Variants in ABCC4 observed in about 807,000 individuals in gnomAD.
ABCC4 encodes the protein ATP-binding cassette sub-family C member 4.
ABCC4 carries 102 observed loss-of-function variants against 168.5 expected under a neutral mutation model. The observed-to-expected ratio is 0.61, with a 90% CI of 0.52 to 0.71. The LOEUF is 0.71. Among genes scored for constraint, ABCC4 ranks in the 30% least tolerant of loss-of-function variants. ABCC4 has a pLI of 0.00. For synonymous variants in ABCC4, 617 were observed against 590.7 expected (o/e 1.04, Z -0.65); for missense variants, 1,402 against 1,605.8 (o/e 0.87, Z 2.17).
In ABCC4 at chr13:95,245,162, A is replaced by G. The variant is rs139671664; in HGVS notation, c.306+1813T>C. 1.8e-3 allele frequency among the ~76,000 whole-genome samples: 280 copies of G among 152,322 alleles called. 1 individual carries two copies. The highest frequency in any genetic ancestry group is 0.017 in the Middle Eastern group (5 of 294). On this transcript the variant is annotated intron_variant, in intron 3 of 30. Coordinates refer to ENST00000645237, the MANE Select transcript of ABCC4 (RefSeq NM_005845.5). ...CCCCACCCCAAGTGGCTGGCAGCCC[A>G]TGACAGCATGGACAGCCCTGAGCAT...
chr13:95,196,687 A>G (rs1253595458), intron 8 of ABCC4, among the ~76,000 whole-genome samples: 7 of 68,926 alleles, frequency 1.0e-4, no homozygotes, highest in African/African-American at 2.4e-4. Context: ...GAAGGAAGGA[A>G]GGAAGGAAGG....
chr13:95,179,489 A>C (rs2037819611), intron 11 of ABCC4, among the ~76,000 whole-genome samples: 1 of 152,248 alleles, frequency 6.6e-6, no homozygotes, highest in Admixed American at 6.5e-5. Context: ...ATATTTAAAA[A>C]TTATTTAAGA....
chr13:95,216,028 T>C (rs2039100604), intron 4 of ABCC4, among the ~76,000 whole-genome samples: 1 of 152,228 alleles, frequency 6.6e-6, no homozygotes, highest in Non-Finnish European at 1.5e-5. Flanking sequence ...CCAAGTCATA[T>C]TCATTTATGT....
chr13:95,274,827 A>G (rs1289469457), intron 1 of ABCC4, among the ~76,000 whole-genome samples: 3 of 152,212 alleles, frequency 2.0e-5, no homozygotes, highest in Non-Finnish European at 4.4e-5. Context: ...CTGTAATCCC[A>G]GCACTTTGGG....
chr13:95,027,891 C>T (rs1303082348), intron 30 of ABCC4, among the ~76,000 whole-genome samples: 2 of 152,154 alleles, frequency 1.3e-5, no homozygotes, highest in Middle Eastern at 3.4e-3. Flanking sequence ...AAAACAAAGG[C>T]TAAGATTAAA....
At chr13:95,223,776 A>G (rs1428172900) in intron 4 of ABCC4, among the ~76,000 whole-genome samples, 1 of 152,214 alleles carries the variant, frequency 6.6e-6, no homozygotes, top group Non-Finnish European at 1.5e-5. Flanking sequence ...TGTTGGGATT[A>G]CATGCCACCG....
At chr13:95,204,383 C>T (rs968097467) in intron 8 of ABCC4, among the ~76,000 whole-genome samples, 1 of 152,174 alleles carries the variant, frequency 6.6e-6, no homozygotes, top group Non-Finnish European at 1.5e-5. Context: ...GAACTGTAAT[C>T]GCCATAATCC....
At chr13:95,072,259 G>C (rs2033754826) in intron 24 of ABCC4, among the ~76,000 whole-genome samples, 1 of 152,194 alleles carries the variant, frequency 6.6e-6, no homozygotes, top group South Asian at 2.1e-4. Flanking sequence ...TCAGGTGTTT[G>C]ACACCAGCCT....
chr13:95,253,419 A>G (rs2040316588), intron 1 of ABCC4, among the ~76,000 whole-genome samples: 1 of 151,948 alleles, frequency 6.6e-6, no homozygotes, highest in Admixed American at 6.6e-5. Context: ...AGGCACCTAG[A>G]TTTGTCACAT....
chr13:95,279,688 G>A (rs527793119), intron 1 of ABCC4, among the ~76,000 whole-genome samples: 1 of 152,302 alleles, frequency 6.6e-6, no homozygotes, highest in African/African-American at 2.4e-5. Context: ...AGTCCTCACA[G>A]TGCTTTTTGT....
intron 19 of ABCC4, among the ~76,000 whole-genome samples, chr13:95,122,585 C>T (rs2035609421): frequency 1.3e-5 from 2 of 152,186 alleles, no homozygotes; most frequent in South Asian, 4.1e-4. Flanking sequence ...CTAACCTCCC[C>T]TCCATTCCTC....
chr13:95,180,205 G>A (rs574692530), intron 11 of ABCC4, among the ~76,000 whole-genome samples: 2 of 152,226 alleles, frequency 1.3e-5, no homozygotes, highest in East Asian at 3.9e-4. Context: ...ATTATTTCAC[G>A]TTATCTCTTT....
At chr13:95,188,587 C>G (rs756813902) in intron 9 of ABCC4, 45 bp from the exon 10 acceptor site, 1 of 1,472,024 alleles carries the variant, frequency 6.8e-7, no homozygotes, top group South Asian at 1.2e-5. Flanking sequence ...AATAAAGTCA[C>G]ACAAATCACT....
At chr13:95,183,638 C>A (rs535406233) in intron 11 of ABCC4, among the ~76,000 whole-genome samples, 2 of 152,178 alleles carry the variant, frequency 1.3e-5, no homozygotes, top group African/African-American at 2.4e-5. Flanking sequence ...GCTGGTCGTG[C>A]GCAGTGGCTC....
intron 29 of ABCC4, among the ~76,000 whole-genome samples, chr13:95,037,704 C>T (rs2032181458): frequency 6.6e-6 from 1 of 152,112 alleles, no homozygotes; most frequent in African/African-American, 2.4e-5. Flanking sequence ...TTCTAAGACA[C>T]CTTTTCATTT....
intron 4 of ABCC4, among the ~76,000 whole-genome samples, chr13:95,211,128 T>C (rs1486799894): frequency 6.6e-6 from 1 of 152,178 alleles, no homozygotes; most frequent in South Asian, 2.1e-4. Flanking sequence ...AGGAACAAAA[T>C]GAGAGGACGT....
chr13:95,036,874 A>T (rs1292715893), intron 29 of ABCC4, among the ~76,000 whole-genome samples: 2 of 152,108 alleles, frequency 1.3e-5, no homozygotes, highest in Non-Finnish European at 2.9e-5. Flanking sequence ...ACTTGAGGCC[A>T]GGAGTTTGAA....
At chr13:95,221,065 T>C (rs1213737466) in intron 4 of ABCC4, among the ~76,000 whole-genome samples, 2 of 152,172 alleles carry the variant, frequency 1.3e-5, no homozygotes, top group Non-Finnish European at 1.5e-5. Flanking sequence ...CCTGAGGACA[T>C]GATGCGAAGT....
chr13:95,151,566 GAGA>G (rs1255313717), intron 19 of ABCC4, among the ~76,000 whole-genome samples: 8 of 145,758 alleles, frequency 5.5e-5, no homozygotes, highest in South Asian at 2.2e-4. Flanking sequence ...GGAGGAGAAG[GAGA>G]AGAAGGAGGA....
Sources: gnomAD v4.1 joint callset for allele counts (sites outside exome capture counted in the v4.1 genomes callset) on GRCh38, gnomAD v4.1.1 for gene constraint, MANE v1.5 for transcripts, NCBI Gene and HGNC (gene_info 2026-07-23, HGNC 2026-07-21) for gene names.